The following ROBO2 variants were observed in gnomAD, a reference collection of about 807,000 sequenced individuals.
ROBO2 encodes the protein roundabout guidance receptor 2.
In ROBO2, 53 loss-of-function variants were observed where a neutral mutation model predicts 160.8. The ratio of observed to expected loss-of-function variants is 0.33; its 90% CI spans 0.26 to 0.41. The LOEUF is 0.41. Among genes scored for constraint, ROBO2 ranks in the 10% least tolerant of loss-of-function variants. The probability of loss-of-function intolerance (pLI) is 1.00; values close to 1 mark genes in which losing one functional copy is unlikely to be tolerated. For synonymous variants in ROBO2, 664 were observed against 611.7 expected, an observed-to-expected ratio of 1.09 and a Z score of -1.26; for missense variants, 1,577 against 1,722.4, an observed-to-expected ratio of 0.92 and a Z score of 1.49.
chr3:76,300,156 T>C (rs74622521), intron 2 of ROBO2, among the ~76,000 whole-genome samples: 10,216 of 152,092 alleles, frequency 0.067, 409 homozygotes, highest in African/African-American at 0.12. Flanking sequence ...ATTCATGGGC[T>C]GTGGGAAAGA....
chr3:77,084,670 C>T (rs182814130), intron 1 of ROBO2, among the ~76,000 whole-genome samples: 7 of 149,604 alleles, frequency 4.7e-5, no homozygotes, highest in Non-Finnish European at 8.9e-5. Context: ...TTTGATCCCT[C>T]CTCTGATAAG....
intron 2 of ROBO2, among the ~76,000 whole-genome samples, chr3:76,203,753 A>G (rs1674374852): frequency 7.6e-6 from 1 of 131,166 alleles, no homozygotes; most frequent in Non-Finnish European, 1.6e-5. Context: ...CTTTCTCACC[A>G]TGAGATTCTC....
chr3:77,061,165 C>G (rs2066261906), intron 1 of ROBO2, among the ~76,000 whole-genome samples: 2 of 152,212 alleles, frequency 1.3e-5, no homozygotes, highest in South Asian at 2.1e-4. Flanking sequence ...ACATAACATA[C>G]ATATGTTCAT....
chr3:76,631,601 A>G (rs1480104856), intron 2 of ROBO2, among the ~76,000 whole-genome samples: 5 of 151,592 alleles, frequency 3.3e-5, no homozygotes, highest in African/African-American at 7.3e-5. Flanking sequence ...CTGGATCCCT[A>G]TGAAATCAGG....
intron 2 of ROBO2, among the ~76,000 whole-genome samples, chr3:76,726,939 T>C (rs1336892198): frequency 2.6e-5 from 4 of 152,198 alleles, no homozygotes. Flanking sequence ...GGGGTTCCGA[T>C]GTGTTATTAC....
chr3:77,351,707 G>A (rs2068357259), intron 2 of ROBO2, among the ~76,000 whole-genome samples: 1 of 152,044 alleles, frequency 6.6e-6, no homozygotes, highest in East Asian at 1.9e-4. Context: ...TAATTAACCA[G>A]GTTCTCTAAT....
intron 2 of ROBO2, among the ~76,000 whole-genome samples, chr3:76,666,372 G>A (rs1293598625): frequency 3.9e-5 from 6 of 151,996 alleles, no homozygotes; most frequent in Admixed American, 2.6e-4. Flanking sequence ...TCAGTTCACC[G>A]TGACCCAAAT....
At chr3:76,929,299 A>G (rs1335591311) in intron 2 of ROBO2, among the ~76,000 whole-genome samples, 1 of 151,984 alleles carries the variant, frequency 6.6e-6, no homozygotes, top group Admixed American at 6.6e-5. Context: ...CCCAAAACAG[A>G]GCTGCTGAGT....
chr3:77,426,797 A>C (rs1486425589), intron 2 of ROBO2, among the ~76,000 whole-genome samples: 1 of 152,068 alleles, frequency 6.6e-6, no homozygotes, highest in Non-Finnish European at 1.5e-5. Flanking sequence ...ATCATTTACT[A>C]ATTTGCTTTC....
intron 2 of ROBO2, among the ~76,000 whole-genome samples, chr3:76,147,884 T>C (rs1382897507): frequency 6.6e-6 from 1 of 152,054 alleles, no homozygotes; most frequent in Non-Finnish European, 1.5e-5. Flanking sequence ...GTAGTTTCAC[T>C]GGTATGTGTG....
intron 2 of ROBO2, among the ~76,000 whole-genome samples, chr3:77,379,572 G>A: frequency 6.6e-6 from 1 of 152,248 alleles, no homozygotes; most frequent in South Asian, 2.1e-4. Context: ...GTTTGATAAA[G>A]TAAATATAGA....
chr3:76,028,059 G>T (rs771754395), intron 2 of ROBO2, among the ~76,000 whole-genome samples: 30 of 151,880 alleles, frequency 2.0e-4, no homozygotes, highest in Non-Finnish European at 4.3e-4. Flanking sequence ...CAAAATAAAA[G>T]AAAGGAAGTT....
intron 2 of ROBO2, among the ~76,000 whole-genome samples, chr3:76,759,471 G>A (rs1450685422): frequency 6.6e-6 from 1 of 151,514 alleles, no homozygotes; most frequent in Non-Finnish European, 1.5e-5. Flanking sequence ...AATTTTGAGG[G>A]TGCTAGACTT....
chr3:77,589,269 A>G (rs968713994), intron 17 of ROBO2, among the ~76,000 whole-genome samples: 1 of 152,086 alleles, frequency 6.6e-6, no homozygotes, highest in African/African-American at 2.4e-5. Flanking sequence ...GTTACATGCT[A>G]TGAAGCCATG....
chr3:77,095,121 A>G (rs918294837), intron 1 of ROBO2, among the ~76,000 whole-genome samples: 3 of 152,266 alleles, frequency 2.0e-5, no homozygotes, highest in Middle Eastern at 6.8e-3. Flanking sequence ...ACTTGCCTCT[A>G]TAATTTCTTG....
chr3:76,839,322 G>A (rs768070304), intron 2 of ROBO2, among the ~76,000 whole-genome samples: 18 of 152,110 alleles, frequency 1.2e-4, no homozygotes, highest in Non-Finnish European at 2.2e-4. Context: ...AGAGTTTAAA[G>A]TCTAGTTGGT....
chr3:76,101,581 G>C (rs1330919683), intron 2 of ROBO2, among the ~76,000 whole-genome samples: 2 of 151,944 alleles, frequency 1.3e-5, no homozygotes, highest in Non-Finnish European at 2.9e-5. Context: ...AAGTTTTGGG[G>C]TACATGTGCA....
At chr3:77,545,102 A>G (rs2092646091) in intron 6 of ROBO2, among the ~76,000 whole-genome samples, 1 of 152,100 alleles carries the variant, frequency 6.6e-6, no homozygotes, top group Admixed American at 6.6e-5. Flanking sequence ...CTTGTTTTAT[A>G]GACTAAGTGG....
intron 2 of ROBO2, among the ~76,000 whole-genome samples, chr3:76,947,105 A>G (rs1387119113): frequency 6.6e-6 from 1 of 152,176 alleles, no homozygotes; most frequent in Non-Finnish European, 1.5e-5. Flanking sequence ...TATGCTAAAC[A>G]TTTCCACTTC....
Sources: allele counts gnomAD v4.1 joint callset (sites outside exome capture counted in the v4.1 genomes callset), GRCh38; gene constraint gnomAD v4.1.1; transcripts MANE v1.5; gene names NCBI Gene and HGNC (gene_info 2026-07-23, HGNC 2026-07-21).